Variants in KCND2 observed in about 807,000 individuals in gnomAD.
KCND2 encodes A-type voltage-gated potassium channel KCND2.
In KCND2, 16 loss-of-function variants were observed where a neutral mutation model predicts 54.4. The ratio of observed to expected loss-of-function variants is 0.29; its 90% CI spans 0.20 to 0.45. KCND2 has a LOEUF of 0.45. Ranked by LOEUF, KCND2 falls within the 20% of genes least tolerant of loss-of-function variation. The pLI is 1.00. For synonymous variants in KCND2, 317 were observed against 310.7 expected (o/e 1.02, Z -0.21); for missense variants, 486 against 824.2 (o/e 0.59, Z 5.02).
At chr7:120,559,784 T>G (rs2116408096) in intron 1 of KCND2, among the ~76,000 whole-genome samples, 1 of 152,332 alleles carries the variant, frequency 6.6e-6, no homozygotes, top group East Asian at 1.9e-4. Flanking sequence ...AAATGTGATC[T>G]TTGAAACATG....
intron 1 of KCND2, among the ~76,000 whole-genome samples, chr7:120,379,730 A>G (rs1444214115): frequency 6.6e-6 from 1 of 152,014 alleles, no homozygotes; most frequent in Non-Finnish European, 1.5e-5. Context: ...ATGTCTGGGC[A>G]GGGGCAGGGA....
At chr7:120,461,494 C>T (rs1170824069) in intron 1 of KCND2, among the ~76,000 whole-genome samples, 1 of 152,144 alleles carries the variant, frequency 6.6e-6, no homozygotes, top group Non-Finnish European at 1.5e-5. Context: ...CACCAATGCC[C>T]TATTCGAGAC....
At chr7:120,566,036 C>T (rs2116418233) in intron 1 of KCND2, among the ~76,000 whole-genome samples, 1 of 151,800 alleles carries the variant, frequency 6.6e-6, no homozygotes, top group South Asian at 2.1e-4. Context: ...TGATGGTTAT[C>T]ATAAATAGAA....
At chr7:120,309,114 T>A (rs11982510) in intron 1 of KCND2, among the ~76,000 whole-genome samples, 19,092 of 152,076 alleles carry the variant, frequency 0.13, 1,268 homozygotes, top group African/African-American at 0.16. Context: ...AAAGGCTCAA[T>A]AAGTGGAGAT....
At position 120,471,956 on chromosome 7, in the gene KCND2, T is replaced by G. The variant is rs545914606; in HGVS notation, c.1115+196209T>G. Among the ~76,000 whole-genome samples, 3 of 151,910 alleles carry G rather than the reference T, an allele frequency of 2.0e-5. No homozygotes were observed. In the South Asian group the frequency reaches 6.2e-4, roughly 32 times the overall value. On this transcript the variant is annotated intron_variant, in intron 1 of 5. Coordinates refer to ENST00000331113, the MANE Select transcript of KCND2 (RefSeq NM_012281.3). The stretch of plus-strand genomic sequence containing the variant: ...AAGAACAACTAGACTATAAGAATAT[T>G]TATTATGTGTCAAAGATTATCTCAG...
chr7:120,447,210 A>G (rs896043151), intron 1 of KCND2, among the ~76,000 whole-genome samples: 1 of 152,052 alleles, frequency 6.6e-6, no homozygotes, highest in Admixed American at 6.6e-5. Flanking sequence ...ACAAGAATCC[A>G]TGCCACCCAC....
At chr7:120,401,993 A>G (rs1801261499) in intron 1 of KCND2, among the ~76,000 whole-genome samples, 2 of 152,134 alleles carry the variant, frequency 1.3e-5, no homozygotes, top group Non-Finnish European at 2.9e-5. Context: ...CCGATGGCTC[A>G]ATATTTCTGA....
At chr7:120,412,079 AGTATCTTAAAAAG>A (rs1801458782) in intron 1 of KCND2, among the ~76,000 whole-genome samples, 2 of 152,184 alleles carry the variant, frequency 1.3e-5, no homozygotes, top group South Asian at 4.1e-4. Context: ...CTGCTCCAAA[AGTATCTTAAAAAG>A]AAGGCTTCCC....
At position 120,683,182 on chromosome 7, in the gene KCND2, G is replaced by T. The variant is rs571053250; in HGVS notation, c.1116-49721G>T. On this transcript the variant is annotated intron_variant, in intron 1 of 5. Coordinates refer to ENST00000331113, the MANE Select transcript of KCND2 (RefSeq NM_012281.3). ...TTTCGTATCAAGCACCAAGCATCAT[G>T]CCTTTCATCCTGTGCATTTTTGATG... Among the ~76,000 whole-genome samples the T allele has an allele frequency of 2.6e-5, 4 of 152,256 alleles. No individual in the cohort carries two copies. In the East Asian group the frequency reaches 7.7e-4, roughly 29 times the overall value.
intron 1 of KCND2, among the ~76,000 whole-genome samples, chr7:120,492,216 CT>C (rs1321910547): frequency 2.0e-5 from 3 of 151,982 alleles, no homozygotes; most frequent in Non-Finnish European, 4.4e-5. Flanking sequence ...TCTATGTTCT[CT>C]GTGGTAACAT....
At chr7:120,738,644 G>C (rs1327944401) in intron 2 of KCND2, among the ~76,000 whole-genome samples, 1 of 151,902 alleles carries the variant, frequency 6.6e-6, no homozygotes, top group African/African-American at 2.4e-5. Context: ...TTATTTGCTG[G>C]TACTTTGCCA....
At chr7:120,689,794 A>ATGAGGGCAAAGACTAAACAACTT (rs1792247760) in intron 1 of KCND2, among the ~76,000 whole-genome samples, 1 of 152,194 alleles carries the variant, frequency 6.6e-6, no homozygotes, top group African/African-American at 2.4e-5. Flanking sequence ...GGCAAATGAA[A>ATGAGGGCAAAGACTAAACAACTT]TGAGGGCAAA....
At chr7:120,700,470 G>T (rs1024811163) in intron 1 of KCND2, among the ~76,000 whole-genome samples, 1 of 152,088 alleles carries the variant, frequency 6.6e-6, no homozygotes, top group African/African-American at 2.4e-5. Context: ...GTCACATAAG[G>T]CTTAACATCA....
At chr7:120,341,131 C>G (rs1800234397) in intron 1 of KCND2, among the ~76,000 whole-genome samples, 1 of 152,100 alleles carries the variant, frequency 6.6e-6, no homozygotes, top group Admixed American at 6.5e-5. Context: ...GTGAGACTTT[C>G]TGAAGCTTCT....
intron 1 of KCND2, among the ~76,000 whole-genome samples, chr7:120,395,235 A>T (rs1490778503): frequency 1.3e-5 from 2 of 152,078 alleles, no homozygotes; most frequent in African/African-American, 4.8e-5. Flanking sequence ...TTACAATTTT[A>T]CATTGTATGT....
At chr7:120,509,989 C>A (rs1803087995) in intron 1 of KCND2, among the ~76,000 whole-genome samples, 1 of 152,056 alleles carries the variant, frequency 6.6e-6, no homozygotes. Flanking sequence ...AGCCACAAGA[C>A]CCTACAGGAA....
intron 1 of KCND2, among the ~76,000 whole-genome samples, chr7:120,528,534 G>T (rs1047472430): frequency 1.3e-5 from 2 of 152,086 alleles, no homozygotes; most frequent in African/African-American, 4.8e-5. Context: ...TGAGATAGGA[G>T]TCAGTATCCT....
At chr7:120,548,505 T>A (rs1180376548) in intron 1 of KCND2, among the ~76,000 whole-genome samples, 3 of 152,108 alleles carry the variant, frequency 2.0e-5, no homozygotes, top group African/African-American at 7.2e-5. Flanking sequence ...GCCAGGGTAA[T>A]CACCTGGCCA....
chr7:120,747,476 A>C (rs1246704822), intron 5 of KCND2, among the ~76,000 whole-genome samples: 2 of 152,102 alleles, frequency 1.3e-5, no homozygotes, highest in African/African-American at 4.8e-5. Flanking sequence ...ACCAAGTCAA[A>C]CTGTCTTTTA....
Sources: allele counts gnomAD v4.1 joint callset (sites outside exome capture counted in the v4.1 genomes callset), GRCh38; gene constraint gnomAD v4.1.1; transcripts MANE v1.5; gene names NCBI Gene and HGNC (gene_info 2026-07-23, HGNC 2026-07-21).